B3GLCT: variants seen among roughly 807,000 people sequenced by gnomAD.
B3GLCT encodes beta-1,3-glucosyltransferase.
In B3GLCT, 65 loss-of-function variants were observed where a neutral mutation model predicts 63.4. That is an observed-to-expected ratio of 1.03 (90% CI 0.84 to 1.26). The LOEUF is 1.26. B3GLCT is among the 50% of genes most tolerant of loss of function. The probability of loss-of-function intolerance (pLI) is 0.00; values close to 1 mark genes in which losing one functional copy is unlikely to be tolerated. For synonymous variants in B3GLCT, 233 were observed against 219.2 expected (o/e 1.06, Z -0.55); for missense variants, 577 against 604.8 (o/e 0.95, Z 0.48).
chr13:31,222,508 A>T (rs943758403), intron 2 of B3GLCT, among the ~76,000 whole-genome samples: 2 of 152,228 alleles, frequency 1.3e-5, no homozygotes, highest in Non-Finnish European at 2.9e-5. Flanking sequence ...CACCCAAAAG[A>T]TGATAAAGTG....
chr13:31,207,896 A>C (rs1869039950), intron 1 of B3GLCT, among the ~76,000 whole-genome samples: 1 of 152,198 alleles, frequency 6.6e-6, no homozygotes. Context: ...ACTGTTTGGC[A>C]CTTGAGCAAA....
At chr13:31,309,481 A>T (rs1874591095) in intron 12 of B3GLCT, among the ~76,000 whole-genome samples, 1 of 152,024 alleles carries the variant, frequency 6.6e-6, no homozygotes, top group South Asian at 2.1e-4. Context: ...ATAAGTCCAG[A>T]CCTCCAGATC....
At chr13:31,269,177 T>C (rs769254239) in intron 7 of B3GLCT, 37 bp from the exon 8 acceptor site, 2 of 1,455,830 alleles carry the variant, frequency 1.4e-6, no homozygotes, top group East Asian at 4.6e-5. Context: ...TGACACTTCT[T>C]TTGGTTAAAA....
chr13:31,282,410 C>T (rs1010084427), intron 10 of B3GLCT, among the ~76,000 whole-genome samples: 2 of 151,970 alleles, frequency 1.3e-5, no homozygotes, highest in African/African-American at 4.8e-5. Flanking sequence ...GAGGCCGAGG[C>T]GGGCGGATCA....
chr13:31,239,520 T>C (rs1185018798), intron 4 of B3GLCT, among the ~76,000 whole-genome samples: 1 of 152,208 alleles, frequency 6.6e-6, no homozygotes, highest in Admixed American at 6.5e-5. Flanking sequence ...TGACATCTGT[T>C]TTTTTGACTT....
chr13:31,259,913 A>G (rs1181748655), intron 6 of B3GLCT, among the ~76,000 whole-genome samples: 3 of 151,820 alleles, frequency 2.0e-5, no homozygotes, highest in African/African-American at 7.3e-5. Context: ...GGCTTCAATC[A>G]TTTGCTTTGT....
chr13:31,300,254 G>A (rs942984963), intron 12 of B3GLCT, among the ~76,000 whole-genome samples: 1 of 152,090 alleles, frequency 6.6e-6, no homozygotes, highest in Admixed American at 6.5e-5. Flanking sequence ...TCCCCAGGTA[G>A]CACGATCATG....
chr13:31,317,572 C>T lies in B3GLCT; in HGVS notation c.1071C>T (p.Ser357=), dbSNP rs1046401675. The stretch of plus-strand genomic sequence containing the variant: ...GTTCCCTTTGGCATCTCAGTATCTC[C>T]AGGCTCCAGCACTTGCTTAGCTGTT... ...IVDDDTLISI[S]RLQHLLSCYD... is the part of the protein sequence containing the mutation. The change falls in exon 13 of 15, where the codon TCC becomes TCT. Residue 357 remains serine (S), a synonymous_variant. Coordinates refer to ENST00000343307, the MANE Select transcript of B3GLCT (RefSeq NM_194318.4). 1 of 1,613,978 alleles carries T rather than the reference C, an allele frequency of 6.2e-7. No homozygotes were observed. Among genetic ancestry groups the T allele is most frequent in the Non-Finnish European group, 8.5e-7 (1 of 1,179,970 alleles).
chr13:31,256,118 T>G (rs1373612781), intron 6 of B3GLCT, among the ~76,000 whole-genome samples: 2 of 152,120 alleles, frequency 1.3e-5, no homozygotes, highest in Admixed American at 1.3e-4. Context: ...CATCAAAAAG[T>G]AGGCAGAGGA....
intron 2 of B3GLCT, among the ~76,000 whole-genome samples, chr13:31,218,364 A>G (rs1411029436): frequency 1.3e-5 from 2 of 151,738 alleles, no homozygotes; most frequent in African/African-American, 4.8e-5. Context: ...TAATTTCTGT[A>G]TTTTTAGTAG....
chr13:31,292,418 C>T (rs528630696), intron 12 of B3GLCT, among the ~76,000 whole-genome samples: 6 of 152,208 alleles, frequency 3.9e-5, no homozygotes, highest in Admixed American at 2.0e-4. Context: ...TAGTGGAATT[C>T]GGCTGTGAGT....
chr13:31,251,860 T>TG (rs1871444020), intron 6 of B3GLCT, among the ~76,000 whole-genome samples: 1 of 152,002 alleles, frequency 6.6e-6, no homozygotes. Flanking sequence ...CTCAGAAATA[T>TG]GGAGAACACT....
rs1035236757 is a variant in B3GLCT at position 31,331,157 on chromosome 13, T to C, written c.*1489T>C. ...GGATTTCTAGATCGCTTCAAGCCTA[T>C]ACTGATGGCCTTAGCTTTGTTCAGT... On this transcript the variant is annotated 3_prime_UTR_variant, in exon 15 of 15. Transcript: ENST00000343307. 1 of 152,242 alleles carries C rather than the reference T, an allele frequency of 6.6e-6. No homozygotes were observed. Among genetic ancestry groups the C allele is most frequent in the Non-Finnish European group, 1.5e-5 (1 of 68,048 alleles). The allele number at this position is 152,242 out of a possible 1,614,324, so 9.4% of individuals were successfully genotyped here. A position where few individuals can be genotyped will look rare whatever the true frequency, so the allele number is the denominator to read the frequency against.
At chr13:31,284,849 T>C (rs995988715) in intron 11 of B3GLCT, 88 bp downstream of exon 11, 6 of 841,572 alleles carry the variant, frequency 7.1e-6, no homozygotes, top group Admixed American at 4.0e-5. Flanking sequence ...TGAAATGTTT[T>C]ATAAGTGCTA....
chr13:31,266,028 C>G (rs1222133053), intron 7 of B3GLCT, among the ~76,000 whole-genome samples: 1 of 151,618 alleles, frequency 6.6e-6, no homozygotes, highest in East Asian at 1.9e-4. Flanking sequence ...GAAACGGAGT[C>G]TCGCTCTGTC....
intron 12 of B3GLCT, among the ~76,000 whole-genome samples, chr13:31,300,086 C>T (rs9544036): frequency 6.6e-6 from 1 of 151,902 alleles, no homozygotes; most frequent in African/African-American, 2.4e-5. Context: ...ATTCATTTAC[C>T]CTGGTATTGA....
At chr13:31,318,889 T>G (rs1306192615) in intron 13 of B3GLCT, among the ~76,000 whole-genome samples, 1 of 152,214 alleles carries the variant, frequency 6.6e-6, no homozygotes, top group Non-Finnish European at 1.5e-5. Flanking sequence ...AGTGACTTGT[T>G]ATATGATTTC....
intron 6 of B3GLCT, among the ~76,000 whole-genome samples, chr13:31,249,756 G>C (rs1206961137): frequency 6.6e-6 from 1 of 152,068 alleles, no homozygotes; most frequent in African/African-American, 2.4e-5. Flanking sequence ...TATTTCTTTT[G>C]AGACTAACAG....
At chr13:31,314,981 A>G (rs977760190) in intron 12 of B3GLCT, among the ~76,000 whole-genome samples, 3 of 151,974 alleles carry the variant, frequency 2.0e-5, no homozygotes, top group African/African-American at 4.8e-5. Context: ...CTTCTTTCTC[A>G]TTGTCTTTTG....
Sources: allele counts gnomAD v4.1 joint callset (sites outside exome capture counted in the v4.1 genomes callset), GRCh38; gene constraint gnomAD v4.1.1; transcripts MANE v1.5; gene names NCBI Gene and HGNC (gene_info 2026-07-23, HGNC 2026-07-21).